The following CAPN3 variants were observed in gnomAD, a reference collection of about 807,000 sequenced individuals.
The protein encoded by CAPN3 is calpain 3, also known as calpain-3.
CAPN3 carries 88 observed loss-of-function variants against 114.0 expected under a neutral mutation model. That is an observed-to-expected ratio of 0.77 (90% CI 0.65 to 0.92). CAPN3 has a LOEUF of 0.92. CAPN3 is among the 40% of genes least tolerant of loss of function. The pLI, the probability that CAPN3 is intolerant of heterozygous loss-of-function variation, is 0.00. For missense variants in CAPN3, 1,028 were observed against 1,069.0 expected, an observed-to-expected ratio of 0.96 and a Z score of 0.53; for synonymous variants, 386 against 382.9, an observed-to-expected ratio of 1.01 and a Z score of -0.09.
Position 42,389,034 on chromosome 15 carries a change from G to A in CAPN3, c.739G>A (p.Asp247Asn), listed in dbSNP as rs1251403881. 2.5e-6 allele frequency: 4 copies of A among 1,614,112 alleles called. No homozygotes were observed. Among genetic ancestry groups the A allele is most frequent in the Non-Finnish European group, 3.4e-6 (4 of 1,180,020 alleles). Residue 247 changes from aspartate (D) to asparagine (N), a missense_variant, in exon 5 of 24, where the codon GAC becomes AAC. By Grantham distance (23) the Asp-to-Asn change is conservative. Coordinates refer to ENST00000397163, the MANE Select transcript of CAPN3 (RefSeq NM_000070.3). ...TTTTGAGATCAGGGATGCTCCTAGT[G>A]ACATGTACAAGATCATGAAGAAAGC... The part of the protein sequence containing the change: ...EFFEIRDAPS[D>N]MYKIMKKAIE...
rs28657864 is a variant in CAPN3 at position 42,366,827 on chromosome 15, T to C, written c.309+6713T>C. 2.2e-5 allele frequency among the ~76,000 whole-genome samples: 3 copies of C among 135,474 alleles called. No homozygotes were observed. The East Asian group carries it at 6.0e-4, about 27-fold the overall frequency. 88.9% of individuals were successfully genotyped at this position (135,474 alleles called of 152,430 possible). ...CCGACCCTCACAGAATTCTTTTTTT[T>C]CTTTTTTTTTTTCTTTTTTTTTTTG... On this transcript the variant is annotated intron_variant, in intron 1 of 23. Coordinates refer to ENST00000397163, the MANE Select transcript of CAPN3 (RefSeq NM_000070.3).
intron 15 of CAPN3, among the ~76,000 whole-genome samples, chr15:42,406,499 C>T: frequency 6.6e-6 from 1 of 152,056 alleles, no homozygotes; most frequent in East Asian, 1.9e-4. Context: ...TGGGGTCAGT[C>T]CCTCTCTTTT....
chr15:42,376,550 GTT>G (rs35473621), intron 1 of CAPN3, among the ~76,000 whole-genome samples: 27 of 143,630 alleles, frequency 1.9e-4, no homozygotes, highest in African/African-American at 4.8e-4. Context: ...TTGTTTGTGG[GTT>G]TTTTTTTTTT....
At chr15:42,374,693 A>G (rs999556620) in intron 1 of CAPN3, among the ~76,000 whole-genome samples, 4 of 149,174 alleles carry the variant, frequency 2.7e-5, no homozygotes, top group African/African-American at 9.9e-5. Context: ...TGGAGATGTT[A>G]TTTTCTATTC....
Position 42,403,721 on chromosome 15 carries a change from CAT to C in CAPN3, c.1746-19_1746-18del, listed in dbSNP as rs751305722. ...TGCTTCTGGTGACACTGAGACCCCACATGTCTGTATTCCTCACAGGGAAGTTG... is the reference window on the plus strand; with the variant it reads ...TGCTTCTGGTGACACTGAGACCCCACGTCTGTATTCCTCACAGGGAAGTTG... On this transcript the variant is annotated intron_variant, in intron 13 of 23. Coordinates refer to ENST00000397163, the MANE Select transcript of CAPN3 (RefSeq NM_000070.3). 9.3e-6 allele frequency: 15 copies of C among 1,612,330 alleles called. No homozygotes were observed. The East Asian group carries it at 1.1e-4, about 12-fold the overall frequency.
intron 1 of CAPN3, among the ~76,000 whole-genome samples, chr15:42,360,803 G>A (rs550257166): frequency 1.3e-5 from 2 of 152,290 alleles, no homozygotes; most frequent in East Asian, 3.9e-4. Flanking sequence ...CCCAGCCTCT[G>A]GGTTTCATTT....
intron 1 of CAPN3, among the ~76,000 whole-genome samples, chr15:42,372,233 C>T (rs1328737831): frequency 6.6e-6 from 1 of 152,098 alleles, no homozygotes; most frequent in Non-Finnish European, 1.5e-5. Flanking sequence ...AATCTCGGCT[C>T]ACTGCAAACA....
Position 42,386,614 on chromosome 15 carries a change from G to A in CAPN3, c.498+329G>A, listed in dbSNP as rs16973206. Among the ~76,000 whole-genome samples, 7,555 of 152,156 alleles carry A rather than the reference G, an allele frequency of 0.05. 583 individuals carry two copies. Among genetic ancestry groups the A allele is most frequent in the African/African-American group, 0.16 (6,703 of 41,458 alleles). Reference sequence around the variant, plus strand: ...AGTAGGTCCCTAAGATATTAGCACTGTGACACCACAGGACCCTTCAGGTTG... The same window carrying A: ...AGTAGGTCCCTAAGATATTAGCACTATGACACCACAGGACCCTTCAGGTTG... On this transcript the variant is annotated intron_variant, in intron 3 of 23. Transcript: ENST00000397163.
chr15:42,409,723 A>G, intron 17 of CAPN3, 64 bp from the exon 18 acceptor site: 11 of 1,441,648 alleles, frequency 7.6e-6, no homozygotes, highest in Non-Finnish European at 1.1e-5. Flanking sequence ...TTTGTTTTGC[A>G]AAGTGTCCGC....
intron 2 of CAPN3, 105 bp from the exon 3 acceptor site, chr15:42,386,062 A>G (rs1466659223): frequency 2.4e-6 from 2 of 820,552 alleles, no homozygotes; most frequent in East Asian, 2.4e-5. Context: ...GTGGGCACCA[A>G]GGGAGTCCCC....
At chr15:42,377,173 T>G (rs887468899) in intron 1 of CAPN3, among the ~76,000 whole-genome samples, 2 of 152,180 alleles carry the variant, frequency 1.3e-5, no homozygotes, top group African/African-American at 4.8e-5. Context: ...TTTTCTTATC[T>G]TGTTGCATTA....
chr15:42,380,751 A>ATATATATATTTTTTTTTTT (rs1436943739), intron 1 of CAPN3, among the ~76,000 whole-genome samples: 1 of 64,456 alleles, frequency 1.6e-5, no homozygotes, highest in African/African-American at 8.9e-5. Context: ...ATATATATAT[A>ATATATATATTTTTTTTTTT]TTTTTTTTTT....
intron 1 of CAPN3, among the ~76,000 whole-genome samples, chr15:42,368,277 A>G (rs1283098769): frequency 1.3e-5 from 2 of 152,200 alleles, no homozygotes; most frequent in Non-Finnish European, 2.9e-5. Flanking sequence ...TGATACTGTA[A>G]AGAATGTCCT....
intron 11 of CAPN3, 58 bp from the exon 12 acceptor site, chr15:42,402,066 C>T (rs1055686320): frequency 2.1e-5 from 34 of 1,610,804 alleles, no homozygotes; most frequent in Admixed American, 1.3e-4. Flanking sequence ...CATTGCCTTC[C>T]GCAGGCTCCT....
At chr15:42,407,821 A>G (rs1046838028) in intron 15 of CAPN3, among the ~76,000 whole-genome samples, 2 of 152,196 alleles carry the variant, frequency 1.3e-5, no homozygotes, top group Non-Finnish European at 2.9e-5. Context: ...CTCTGTTCTC[A>G]TTAATCAGAG....
At chr15:42,360,929 C>A (rs1243760397) in intron 1 of CAPN3, among the ~76,000 whole-genome samples, 1 of 152,210 alleles carries the variant, frequency 6.6e-6, no homozygotes, top group Non-Finnish European at 1.5e-5. Flanking sequence ...CTAGTGCCAG[C>A]ACTGGGCAAG....
In CAPN3 at chr15:42,392,705, G is replaced by C. The variant is rs771608215; in HGVS notation, c.1012G>C (p.Val338Leu). Residue 338 changes from valine to leucine, a missense_variant, in exon 7 of 24, where the codon GTC (valine) becomes CTC (leucine). Physicochemically the swap from Val to Leu is conservative, Grantham distance 32. Coordinates refer to ENST00000397163, the MANE Select transcript of CAPN3 (RefSeq NM_000070.3). ...GCTGGTCAGAGGTCACGCCTACTCT[G>C]TCACGGGGCTGGATGAGGTAAGCCT... ...CGLVRGHAYS[V>L]TGLDEVPFKG... is the part of the protein sequence containing the mutation. 3.1e-6 allele frequency: 5 copies of C among 1,613,824 alleles called. No homozygotes were observed. The African/African-American group carries it at 4.0e-5, about 13-fold the overall frequency.
At chr15:42,370,945 A>G (rs992987959) in intron 1 of CAPN3, among the ~76,000 whole-genome samples, 1 of 152,154 alleles carries the variant, frequency 6.6e-6, no homozygotes, top group East Asian at 1.9e-4. Context: ...TTCAAATCCC[A>G]GCTCCACCGA....
chr15:42,410,682 G>C lies in CAPN3; in HGVS notation c.2263+16G>C. On this transcript the variant is annotated intron_variant, in intron 21 of 23. Transcript: ENST00000397163. ...AACGACGCAGGTGCTGAGAAGGAAG[G>C]GGTGGCAGGGATGTGGACCCGAGAC... 6.2e-7 allele frequency: 1 copy of C among 1,608,780 alleles called. No individual in the cohort carries two copies.
Sources: gnomAD v4.1 joint callset for allele counts (sites outside exome capture counted in the v4.1 genomes callset) on GRCh38, gnomAD v4.1.1 for gene constraint, MANE v1.5 for transcripts, NCBI Gene and HGNC (gene_info 2026-07-23, HGNC 2026-07-21) for gene names.